HOOK2: variants seen among roughly 807,000 people sequenced by gnomAD.
The protein encoded by HOOK2 is protein Hook homolog 2.
Under a neutral mutation model 111.9 loss-of-function variants are expected in HOOK2, and 108 were observed. That is an observed-to-expected ratio of 0.96 (90% CI 0.83 to 1.13). HOOK2 has a LOEUF of 1.13. HOOK2 is among the 50% of genes most tolerant of loss of function. The pLI is 0.00. For missense variants in HOOK2, 978 were observed against 951.3 expected (o/e 1.03, Z -0.37); for synonymous variants, 405 against 394.3 (o/e 1.03, Z -0.32).
chr19:12,792,295 G>T (rs972415074), intron 3 of HOOK2: 12 of 1,498,964 alleles, frequency 8.0e-6, no homozygotes, highest in Non-Finnish European at 1.1e-5. Context: ...GTCTACGCCG[G>T]CCCGGAGCCA....
rs1010083999 is a variant in HOOK2 at position 12,769,862 on chromosome 19, A to G, written c.1104+19T>C. 1.4e-6 allele frequency: 2 copies of G among 1,409,894 alleles called. No individual in the cohort carries two copies. The highest frequency in any genetic ancestry group is 3.0e-5 in the African/African-American group (2 of 66,006). 87.3% of individuals were successfully genotyped at this position (1,409,894 alleles called of 1,614,324 possible). A position where few individuals can be genotyped will look rare whatever the true frequency, so the allele number is the denominator to read the frequency against. ...CTGCCAGGGGCGGGGCCCCGGCCCT[A>G]ACCCCGCCCCCGCCGCACCTGCCGC... On this transcript the variant is annotated intron_variant, in intron 11 of 22. Coordinates refer to ENST00000397668, the MANE Select transcript of HOOK2 (RefSeq NM_013312.3).
At chr19:12,769,823 C>A in intron 11 of HOOK2, 58 bp downstream of exon 11, 3 of 1,330,790 alleles carry the variant, frequency 2.3e-6, no homozygotes, top group East Asian at 3.1e-5. Context: ...GGCTGGCCAA[C>A]GGTGAGAGAC....
intron 3 of HOOK2, among the ~76,000 whole-genome samples, chr19:12,785,981 T>C (rs1164629212): frequency 6.6e-6 from 1 of 152,112 alleles, no homozygotes; most frequent in African/African-American, 2.4e-5. Flanking sequence ...CCCCCAAGGC[T>C]TCACCAGCAG....
chr19:12,782,218 G>A (rs1020734247), upstream of HOOK2, among the ~76,000 whole-genome samples: 12 of 152,180 alleles, frequency 7.9e-5, no homozygotes, highest in African/African-American at 2.7e-4. Context: ...TATGAATATG[G>A]CTCTGTTTGC....
intron 10 of HOOK2, among the ~76,000 whole-genome samples, chr19:12,770,563 G>T (rs1968290213): frequency 6.6e-6 from 1 of 151,944 alleles, no homozygotes; most frequent in African/African-American, 2.4e-5. Context: ...TTGCATTGTG[G>T]AGTCCTAGAA....
Position 12,763,684 on chromosome 19 carries a change from C to T in HOOK2, c.1922G>A (p.Arg641His), listed in dbSNP as rs752054044. 3.0e-5 allele frequency: 49 copies of T among 1,614,028 alleles called. No individual in the cohort carries two copies. The highest frequency in any genetic ancestry group is 1.6e-4 in the Middle Eastern group (1 of 6,084). ...LRTQLRERDV[R>H]IRHLEMDFEK... ...GACACCCACCTCCAGGTGTCGGATG[C>T]GGACATCCCGTTCTCGGAGCTGTGT... The change falls in exon 21 of 23, where the codon CGC (arginine) becomes CAC (histidine). Residue 641 changes from arginine to histidine, a missense_variant. Transcript: ENST00000397668.
In HOOK2 at chr19:12,791,643, C is replaced by T. The variant is rs1021833785; in HGVS notation, n.42-17418G>A. Reference sequence around the variant, plus strand: ...AGCTGCCGGCTGGCTGCTACCCGCCCGCGCCAGCCCCCGAGAACGCGCGAC... The same window carrying T: ...AGCTGCCGGCTGGCTGCTACCCGCCTGCGCCAGCCCCCGAGAACGCGCGAC... On this transcript the variant is annotated intron_variant and non_coding_transcript_variant, in intron 3 of 3. Coordinates refer to the HOOK2 transcript ENST00000589765. The surrounding 1 kb of genome is among the most constrained non-coding windows in gnomAD (Gnocchi z 7.0). 1.9e-5 allele frequency: 12 copies of T among 635,724 alleles called. No individual in the cohort carries two copies. The Admixed American group carries it at 2.8e-4, about 15-fold the overall frequency. The allele number at this position is 635,724 out of a possible 1,614,324, so 39.4% of individuals were successfully genotyped here. A position where few individuals can be genotyped will look rare whatever the true frequency, so the allele number is the denominator to read the frequency against.
In HOOK2 at chr19:12,775,552, T is replaced by A; in HGVS notation, c.-103A>T. The A allele has an allele frequency of 1.7e-6, 2 of 1,211,914 alleles. No individual in the cohort carries two copies. Among genetic ancestry groups the A allele is most frequent in the Non-Finnish European group, 2.2e-6 (2 of 923,274 alleles). The allele number at this position is 1,211,914 out of a possible 1,614,324, so 75.1% of individuals were successfully genotyped here. On this transcript the variant is annotated 5_prime_UTR_variant, in exon 1 of 23. Transcript: ENST00000397668. ...CGCAGCCCCGACCTCCCGCTCGGCC[T>A]AGAGCGCCGCCCCGCCCCGCCCCCC...
intron 2 of HOOK2, 35 bp from the exon 3 acceptor site, chr19:12,774,776 G>A: frequency 6.2e-7 from 1 of 1,613,178 alleles, no homozygotes; most frequent in South Asian, 1.1e-5. Flanking sequence ...CAGACTGGGG[G>A]ACACTTTTGG....
chr19:12,765,593 TA>T, intron 18 of HOOK2, 96 bp downstream of exon 18: 2 of 1,485,252 alleles, frequency 1.3e-6, no homozygotes. Flanking sequence ...ACTAAAAATA[TA>T]AAAAATCAGC....
Position 12,772,891 on chromosome 19 carries a change from C to T in HOOK2, c.277G>A (p.Glu93Lys). 6.2e-7 allele frequency: 1 copy of T among 1,614,208 alleles called. No individual in the cohort carries two copies. Among genetic ancestry groups the T allele is most frequent in the Admixed American group, 1.7e-5 (1 of 60,034 alleles). ...SQDVLAHPVS[E>K]EHLPDVSLIG... is the part of the protein sequence containing the mutation. The stretch of plus-strand genomic sequence containing the variant: ...AGGCTCACATCTGGGAGATGCTCTT[C>T]TGACACAGGATGCGCCAGGACCTGG... The change falls in exon 5 of 23, where the codon GAA becomes AAA. Residue 93 changes from glutamate to lysine, a missense_variant. This residue lies in a region of HOOK2 where 301 missense variants were observed against 286.1 expected (regional missense o/e 1.05). Transcript: ENST00000397668.
At chr19:12,763,842 G>A (rs1478869690) in intron 20 of HOOK2, 64 bp from the exon 21 acceptor site, 2 of 1,095,246 alleles carry the variant, frequency 1.8e-6, no homozygotes, top group African/African-American at 1.6e-5. Flanking sequence ...ACATACTGGG[G>A]TGTGTGTATT....
upstream of HOOK2, among the ~76,000 whole-genome samples, chr19:12,779,519 T>TAG (rs909055129): frequency 1.3e-5 from 2 of 152,148 alleles, no homozygotes; most frequent in Non-Finnish European, 2.9e-5. Context: ...TGAAATGTGC[T>TAG]AGGTTTTTTT....
intron 16 of HOOK2, 37 bp downstream of exon 16, chr19:12,765,890 G>A: frequency 1.9e-6 from 3 of 1,612,758 alleles, no homozygotes; most frequent in Admixed American, 1.7e-5. Context: ...CGGGGCACAA[G>A]GGAGGGCCAG....
In HOOK2 at chr19:12,774,808, T is replaced by A; in HGVS notation, c.131+4A>T. 1 of 1,613,924 alleles carries A rather than the reference T, an allele frequency of 6.2e-7. No individual in the cohort carries two copies. Among genetic ancestry groups the A allele is most frequent in the Non-Finnish European group, 8.5e-7 (1 of 1,179,920 alleles). On this transcript the variant is annotated splice_donor_region_variant and intron_variant, in intron 2 of 22. Transcript: ENST00000397668. ...TTGGGATCCTCCCCTTCAGCTCCAC[T>A]CACATCTGGTTCAGCACATAGGCTA...
At chr19:12,769,815 C>T in intron 11 of HOOK2, 66 bp downstream of exon 11, 2 of 1,301,114 alleles carry the variant, frequency 1.5e-6, no homozygotes, top group Non-Finnish European at 2.0e-6. Flanking sequence ...GGGCGGAGGG[C>T]TGGCCAACGG....
chr19:12,782,803 C>G (rs1968618735), upstream of HOOK2, among the ~76,000 whole-genome samples: 1 of 152,084 alleles, frequency 6.6e-6, no homozygotes, highest in African/African-American at 2.4e-5. Flanking sequence ...TGTGGCCCCT[C>G]GACCGAGCGC....
intron 3 of HOOK2, among the ~76,000 whole-genome samples, chr19:12,785,514 AG>A (rs1277988841): frequency 5.9e-5 from 9 of 152,232 alleles, no homozygotes; most frequent in African/African-American, 2.2e-4. Context: ...AGTTAGCCAT[AG>A]GAACTTTGAA....
upstream of HOOK2, among the ~76,000 whole-genome samples, chr19:12,781,332 C>T (rs939028537): frequency 2.0e-5 from 3 of 150,228 alleles, no homozygotes; most frequent in Non-Finnish European, 3.0e-5. Context: ...AAATAAATAA[C>T]GAAAAAGAAA....
Sources: gnomAD v4.1 joint callset for allele counts (sites outside exome capture counted in the v4.1 genomes callset) on GRCh38, gnomAD v4.1.1 for gene constraint, gnomAD v4.1.1 regional missense constraint, Gnocchi (gnomAD v3.1) non-coding constraint, MANE v1.5 for transcripts, NCBI Gene and HGNC (gene_info 2026-07-23, HGNC 2026-07-21) for gene names.